RAB8B: variants seen among roughly 807,000 people sequenced by gnomAD.
The protein encoded by RAB8B is RAB8B, member RAS oncogene family, also known as ras-related protein Rab-8B.
Under a neutral mutation model 32.0 loss-of-function variants are expected in RAB8B, and 11 were observed. The ratio of observed to expected loss-of-function variants is 0.34; its 90% CI spans 0.22 to 0.57. The LOEUF (loss-of-function observed/expected upper bound fraction) is 0.57, where lower values mean the gene tolerates loss of function less well. Ranked by LOEUF, RAB8B falls within the 20% of genes least tolerant of loss-of-function variation. The pLI, the probability that RAB8B is intolerant of heterozygous loss-of-function variation, is 0.86. For missense variants in RAB8B, 190 were observed against 258.5 expected (o/e 0.73, Z 1.82); for synonymous variants, 103 against 89.6 (o/e 1.15, Z -0.85).
At chr15:63,262,932 C>T (rs1453109637) in intron 7 of RAB8B, among the ~76,000 whole-genome samples, 190 bp downstream of exon 7, 1 of 151,952 alleles carries the variant, frequency 6.6e-6, no homozygotes, top group African/African-American at 2.4e-5. Flanking sequence ...CTGTTTCAGT[C>T]CTTTCTTCTG....
intron 1 of RAB8B, among the ~76,000 whole-genome samples, chr15:63,217,488 A>G (rs2037803422): frequency 6.6e-6 from 1 of 152,202 alleles, no homozygotes; most frequent in Non-Finnish European, 1.5e-5. Context: ...GGTACTGTGT[A>G]TAATAACTCC....
At chr15:63,211,877 G>GC (rs1567010905) in intron 1 of RAB8B, among the ~76,000 whole-genome samples, 1 of 152,000 alleles carries the variant, frequency 6.6e-6, no homozygotes, top group African/African-American at 2.4e-5. Context: ...TGTCATTTAG[G>GC]CTGGAGTGCA....
intron 1 of RAB8B, 34 bp from the exon 2 acceptor site, chr15:63,244,722 A>G (rs2038057980): frequency 2.7e-6 from 4 of 1,498,922 alleles, no homozygotes; most frequent in Non-Finnish European, 1.8e-6. Context: ...ATATCTGAAG[A>G]AACTTAACAT....
chr15:63,216,347 A>G (rs1464661978), intron 1 of RAB8B, among the ~76,000 whole-genome samples: 1 of 150,326 alleles, frequency 6.7e-6, no homozygotes, highest in East Asian at 2.0e-4. Context: ...TCCTGCCTCA[A>G]CCTCCCAAGT....
At chr15:63,223,020 ACTCT>A (rs1187455881) in intron 1 of RAB8B, 1 of 455,406 alleles carries the variant, frequency 2.2e-6, no homozygotes, top group East Asian at 6.9e-5. Context: ...TTCACTCATC[ACTCT>A]CTCATTGATT....
chr15:63,204,082 G>A (rs2037676712), intron 1 of RAB8B, among the ~76,000 whole-genome samples: 1 of 152,040 alleles, frequency 6.6e-6, no homozygotes, highest in Non-Finnish European at 1.5e-5. Flanking sequence ...TATAAGGTGA[G>A]GTGTTTTTTT....
intron 1 of RAB8B, among the ~76,000 whole-genome samples, chr15:63,235,207 G>A (rs1291235550): frequency 2.6e-5 from 4 of 152,064 alleles, no homozygotes; most frequent in South Asian, 2.1e-4. Flanking sequence ...ATCCTTGTTC[G>A]ATATAAAGAA....
intron 1 of RAB8B, among the ~76,000 whole-genome samples, chr15:63,216,859 CAAAA>C (rs36022071): frequency 1.7e-5 from 1 of 59,382 alleles, no homozygotes. Context: ...GACTCTGTCT[CAAAA>C]AAAAAAAAAA....
chr15:63,208,445 G>A (rs2037717411), intron 1 of RAB8B, among the ~76,000 whole-genome samples: 1 of 152,134 alleles, frequency 6.6e-6, no homozygotes, highest in African/African-American at 2.4e-5. Context: ...AAAAACGATT[G>A]TAATAGAATT....
At chr15:63,206,094 C>T (rs2037695740) in intron 1 of RAB8B, among the ~76,000 whole-genome samples, 1 of 152,130 alleles carries the variant, frequency 6.6e-6, no homozygotes, top group Non-Finnish European at 1.5e-5. Context: ...CTCTTGGGTC[C>T]CTGCAGTAGT....
chr15:63,228,542 G>A (rs1006257722), intron 1 of RAB8B, among the ~76,000 whole-genome samples: 11 of 152,236 alleles, frequency 7.2e-5, no homozygotes, highest in African/African-American at 2.7e-4. Flanking sequence ...GCAAGTTCAT[G>A]TCTTGATCCC....
intron 1 of RAB8B, among the ~76,000 whole-genome samples, chr15:63,216,225 TTAA>T (rs1187867873): frequency 1.4e-5 from 2 of 140,214 alleles, no homozygotes; most frequent in Admixed American, 7.1e-5. Context: ...AATTAATTAA[TTAA>T]TTATTATTTT....
At chr15:63,245,051 T>C (rs1396470863) in intron 2 of RAB8B, among the ~76,000 whole-genome samples, 1 of 152,234 alleles carries the variant, frequency 6.6e-6, no homozygotes, top group African/African-American at 2.4e-5. Context: ...AGCTCATCTT[T>C]CCAAAACTAT....
chr15:63,196,428 C>A (rs2141106261), intron 1 of RAB8B, among the ~76,000 whole-genome samples: 1 of 152,370 alleles, frequency 6.6e-6, no homozygotes, highest in South Asian at 2.1e-4. Context: ...CAATGGGCAT[C>A]TGCCGTTCTA....
intron 1 of RAB8B, among the ~76,000 whole-genome samples, chr15:63,222,369 TA>T (rs1170421481): frequency 6.6e-6 from 1 of 152,220 alleles, no homozygotes; most frequent in East Asian, 1.9e-4. Context: ...TTAAACCTTT[TA>T]CCATCCCCAA....
At chr15:63,207,620 C>T (rs558215111) in intron 1 of RAB8B, among the ~76,000 whole-genome samples, 6 of 151,846 alleles carry the variant, frequency 4.0e-5, no homozygotes, top group East Asian at 3.9e-4. Context: ...AGTGCAGTGG[C>T]GTGATCTCGG....
chr15:63,194,988 G>C (rs1483511456), intron 1 of RAB8B, among the ~76,000 whole-genome samples: 1 of 152,154 alleles, frequency 6.6e-6, no homozygotes, highest in East Asian at 1.9e-4. Flanking sequence ...CTTATTGACT[G>C]AAAAACAAAC....
rs181298193 is a variant in RAB8B at position 63,208,011 on chromosome 15, C to T, written c.124+18263C>T. Among the ~76,000 whole-genome samples, 140 of 152,288 alleles carry T rather than the reference C, an allele frequency of 9.2e-4. 1 individual carries two copies. The highest frequency in any genetic ancestry group is 1.4e-3 in the Non-Finnish European group (97 of 68,028). ...AGCACTTCCAGTCTCATTTGGGCAG[C>T]GTCCTTCCCGAATTCCATTCTGTAC... On this transcript the variant is annotated intron_variant, in intron 1 of 7. Transcript: ENST00000321437.
rs2038242385 is a variant in RAB8B, at chr15:63,265,885, G to A, written c.*2266G>A. ...GATGAGTCTAAAAGTGCTCTTTGAA[G>A]TAGCAGCAAATTGGGAGTATATGCT... On this transcript the variant is annotated 3_prime_UTR_variant, in exon 8 of 8. Coordinates refer to ENST00000321437, the MANE Select transcript of RAB8B (RefSeq NM_016530.3). This position sits in a 1 kb window ranked among gnomAD's most constrained non-coding sequence, Gnocchi z 4.9. The A allele has an allele frequency of 6.6e-6, 1 of 152,532 alleles. No individual in the cohort carries two copies. Among genetic ancestry groups the A allele is most frequent in the African/African-American group, 2.4e-5 (1 of 41,424 alleles). The allele number at this position is 152,532 out of a possible 1,614,324, so 9.4% of individuals were successfully genotyped here. A position where few individuals can be genotyped will look rare whatever the true frequency, so the allele number is the denominator to read the frequency against.
Sources: gnomAD v4.1 joint callset for allele counts (sites outside exome capture counted in the v4.1 genomes callset) on GRCh38, gnomAD v4.1.1 for gene constraint, Gnocchi (gnomAD v3.1) non-coding constraint, MANE v1.5 for transcripts, NCBI Gene and HGNC (gene_info 2026-07-23, HGNC 2026-07-21) for gene names.